The following MSRA variants were observed in gnomAD, a reference collection of about 807,000 sequenced individuals.
MSRA encodes methionine sulfoxide reductase A, also known as mitochondrial peptide methionine sulfoxide reductase.
A neutral mutation model predicts 31.3 loss-of-function variants in MSRA; 54 were observed. The ratio of observed to expected loss-of-function variants is 1.73; its 90% confidence interval spans 1.39 to 2.17. MSRA has a LOEUF of 2.17. Ranked by LOEUF, MSRA falls within the 30% of genes most tolerant of loss-of-function variation. The pLI, the probability that MSRA is intolerant of heterozygous loss-of-function variation, is 0.00. For synonymous variants in MSRA, 169 were observed against 116.5 expected, an observed-to-expected ratio of 1.45 and a Z score of -2.90; for missense variants, 507 against 300.9, an observed-to-expected ratio of 1.69 and a Z score of -5.07.
At chr8:10,331,789 C>T (rs1802716787) in intron 5 of MSRA, among the ~76,000 whole-genome samples, 1 of 152,132 alleles carries the variant, frequency 6.6e-6, no homozygotes, top group South Asian at 2.1e-4. Flanking sequence ...TTTAAATAAT[C>T]TCTAGATTAC....
intron 4 of MSRA, among the ~76,000 whole-genome samples, chr8:10,303,716 A>G (rs973223648): frequency 3.3e-5 from 5 of 152,168 alleles, no homozygotes; most frequent in East Asian, 1.9e-4. Context: ...CAGGTGAGGA[A>G]GAGGTAAGGA....
chr8:10,365,336 C>G (rs1210411733), intron 5 of MSRA, among the ~76,000 whole-genome samples: 4 of 152,136 alleles, frequency 2.6e-5, no homozygotes, highest in Non-Finnish European at 5.9e-5. Flanking sequence ...TTCCAACATA[C>G]CATACCAGTT....
intron 3 of MSRA, among the ~76,000 whole-genome samples, chr8:10,264,797 G>A (rs1432021679): frequency 2.0e-5 from 3 of 152,218 alleles, no homozygotes; most frequent in Admixed American, 1.3e-4. Context: ...TAACTTGAGA[G>A]CCCAATGCGG....
At chr8:10,355,594 A>G (rs1349976224) in intron 5 of MSRA, among the ~76,000 whole-genome samples, 3 of 152,172 alleles carry the variant, frequency 2.0e-5, no homozygotes, top group African/African-American at 7.2e-5. Flanking sequence ...CAGTACATAC[A>G]TGGCAGGGGA....
chr8:10,279,029 C>A (rs1204228360), intron 3 of MSRA, among the ~76,000 whole-genome samples: 1 of 152,122 alleles, frequency 6.6e-6, no homozygotes, highest in Non-Finnish European at 1.5e-5. Context: ...GTTATTTTTA[C>A]AAAGGTCATT....
chr8:10,128,564 C>G (rs1284418983), intron 1 of MSRA, among the ~76,000 whole-genome samples: 1 of 152,020 alleles, frequency 6.6e-6, no homozygotes, highest in Non-Finnish European at 1.5e-5. Flanking sequence ...CTGGTGTAGG[C>G]TCACTAGTAG....
chr8:10,402,324 C>G (rs1451113508), intron 5 of MSRA, among the ~76,000 whole-genome samples: 1 of 152,250 alleles, frequency 6.6e-6, no homozygotes, highest in African/African-American at 2.4e-5. Flanking sequence ...CAGCTCCTGC[C>G]TGGGCAGGGG....
intron 5 of MSRA, among the ~76,000 whole-genome samples, chr8:10,405,526 C>A (rs1042733119): frequency 5.3e-5 from 8 of 152,070 alleles, no homozygotes; most frequent in African/African-American, 1.9e-4. Context: ...CTTCTTTTTA[C>A]CCTGACACCT....
intron 5 of MSRA, among the ~76,000 whole-genome samples, chr8:10,352,391 A>T (rs1051710312): frequency 9.2e-5 from 14 of 152,194 alleles, no homozygotes; most frequent in African/African-American, 3.4e-4. Flanking sequence ...AGAGTTCTCC[A>T]CTGTGCTTTG....
chr8:10,409,681 C>T (rs554749258), intron 5 of MSRA, among the ~76,000 whole-genome samples: 12 of 152,362 alleles, frequency 7.9e-5, no homozygotes, highest in East Asian at 1.9e-4. Context: ...AGGCCCTCCT[C>T]GCCCCACCAA....
chr8:10,347,223 C>T (rs1010085103), intron 5 of MSRA, among the ~76,000 whole-genome samples: 2 of 152,146 alleles, frequency 1.3e-5, no homozygotes, highest in African/African-American at 4.8e-5. Context: ...CTCCAGTCAG[C>T]TTATAGTAAA....
At chr8:10,353,562 G>A in intron 5 of MSRA, 2 of 455,450 alleles carry the variant, frequency 4.4e-6, no homozygotes, top group Non-Finnish European at 8.8e-6. Context: ...GTAACGAGAT[G>A]CAATTTTCTG....
chr8:10,081,083 A>G (rs1798270352), intron 1 of MSRA, among the ~76,000 whole-genome samples: 1 of 152,244 alleles, frequency 6.6e-6, no homozygotes, highest in African/African-American at 2.4e-5. Context: ...GCAGGGCCAC[A>G]GGCCAAGCCA....
intron 3 of MSRA, among the ~76,000 whole-genome samples, chr8:10,286,227 A>G (rs1017350730): frequency 2.0e-5 from 3 of 152,124 alleles, no homozygotes; most frequent in Non-Finnish European, 4.4e-5. Flanking sequence ...GTTTTTCAAC[A>G]TTGATATGGT....
At position 10,417,754 on chromosome 8, in the gene MSRA, TTG is replaced by T. The variant is rs113437676; in HGVS notation, c.544-10370_544-10369del. 1.5e-3 allele frequency among the ~76,000 whole-genome samples: 189 copies of T among 129,918 alleles called. 4 individuals are homozygous for T. In the Middle Eastern group the frequency reaches 0.015, roughly 10 times the overall value. 85.2% of individuals were successfully genotyped at this position (129,918 alleles called of 152,430 possible). A position where few individuals can be genotyped will look rare whatever the true frequency, so the allele number is the denominator to read the frequency against. ...TGTCTGGGCTTATTAAACCTGCATG[TTG>T]TGTGTGTGTGTGTGTGTGTGTGTCT... On this transcript the variant is annotated intron_variant, in intron 5 of 5. Transcript: ENST00000317173.
chr8:10,151,946 C>T (rs1317815671), intron 1 of MSRA, among the ~76,000 whole-genome samples: 1 of 152,180 alleles, frequency 6.6e-6, no homozygotes, highest in Non-Finnish European at 1.5e-5. Context: ...GTCTCACCAC[C>T]TGACCCTTAT....
At chr8:10,175,189 G>A (rs73530992) in intron 1 of MSRA, among the ~76,000 whole-genome samples, 2,112 of 152,058 alleles carry the variant, frequency 0.014, 41 homozygotes, top group African/African-American at 0.047. Flanking sequence ...GAGATGCCAC[G>A]ATGGTCACAC....
intron 1 of MSRA, among the ~76,000 whole-genome samples, chr8:10,174,932 C>T (rs1023689006): frequency 1.3e-5 from 2 of 152,244 alleles, no homozygotes; most frequent in Non-Finnish European, 2.9e-5. Flanking sequence ...AGCTTCCCTT[C>T]ACAGCCTTGC....
chr8:10,296,259 T>C (rs928466394), intron 3 of MSRA, among the ~76,000 whole-genome samples: 1 of 152,218 alleles, frequency 6.6e-6, no homozygotes, highest in Non-Finnish European at 1.5e-5. Flanking sequence ...TTCAGTTTGA[T>C]AAGAAGGAGG....
Sources: gnomAD v4.1 joint callset for allele counts (sites outside exome capture counted in the v4.1 genomes callset) on GRCh38, gnomAD v4.1.1 for gene constraint, MANE v1.5 for transcripts, NCBI Gene and HGNC (gene_info 2026-07-23, HGNC 2026-07-21) for gene names.